The following KIF6 variants were observed in gnomAD, a reference collection of about 807,000 sequenced individuals.
KIF6 encodes kinesin-like protein KIF6.
Under a neutral mutation model 112.7 loss-of-function variants are expected in KIF6, and 106 were observed. The observed-to-expected ratio is 0.94, with a 90% CI of 0.80 to 1.11. The LOEUF is 1.11. Ranked by LOEUF, KIF6 falls within the 50% of genes least tolerant of loss-of-function variation. The probability of loss-of-function intolerance (pLI) is 0.00; values close to 1 mark genes in which losing one functional copy is unlikely to be tolerated. For synonymous variants in KIF6, 339 were observed against 339.9 expected (o/e 1.00, Z 0.03); for missense variants, 929 against 964.0 (o/e 0.96, Z 0.48).
intron 10 of KIF6, among the ~76,000 whole-genome samples, chr6:39,560,664 T>C (rs1016212550): frequency 2.0e-5 from 3 of 152,204 alleles, no homozygotes; most frequent in African/African-American, 7.2e-5. Context: ...TGACTTTATA[T>C]TATAGATATT....
chr6:39,690,463 C>G (rs976756207), intron 3 of KIF6: 2 of 152,006 alleles, frequency 1.3e-5, no homozygotes, highest in African/African-American at 4.8e-5. Flanking sequence ...ATTAACCAGG[C>G]AGTGCAAGAT....
intron 10 of KIF6, among the ~76,000 whole-genome samples, chr6:39,573,185 T>C (rs1780739474): frequency 6.6e-6 from 1 of 151,896 alleles, no homozygotes; most frequent in South Asian, 2.1e-4. Context: ...ACACATACTC[T>C]CTCAGTACCA....
At chr6:39,578,745 T>G (rs1781125768) in intron 9 of KIF6, among the ~76,000 whole-genome samples, 1 of 152,156 alleles carries the variant, frequency 6.6e-6, no homozygotes, top group Admixed American at 6.5e-5. Context: ...GGGGTCTGAT[T>G]TCTCTGTGTG....
chr6:39,533,293 G>A (rs1356145938), intron 13 of KIF6, among the ~76,000 whole-genome samples: 1 of 152,156 alleles, frequency 6.6e-6, no homozygotes, highest in South Asian at 2.1e-4. Flanking sequence ...CCGGAAAATC[G>A]GGTCACTCCC....
Position 39,343,321 on chromosome 6 carries a change from CT to C in KIF6, c.2428+387del. 1 of 1,295,750 alleles carries C rather than the reference CT, an allele frequency of 7.7e-7. No individual in the cohort carries two copies. Among genetic ancestry groups the C allele is most frequent in the Non-Finnish European group, 1.0e-6 (1 of 992,894 alleles). The allele number at this position is 1,295,750 out of a possible 1,614,324, so 80.3% of individuals were successfully genotyped here. On this transcript the variant is annotated intron_variant, in intron 22 of 22. Transcript: ENST00000287152. This position sits in a 1 kb window ranked among gnomAD's most constrained non-coding sequence, Gnocchi z 4.1. ...ACCACACTCTGATAGGGGAGTGAGA[CT>C]TTAAGCCAGGGGTTCAACGAGTTAC...
intron 13 of KIF6, among the ~76,000 whole-genome samples, chr6:39,509,081 A>T (rs1776614302): frequency 6.6e-6 from 1 of 152,196 alleles, no homozygotes; most frequent in Non-Finnish European, 1.5e-5. Context: ...GATGATACCC[A>T]GGCAAGCAGG....
rs1456313852 is a variant in KIF6 at position 39,360,383 on chromosome 6, C to T, written c.2082+12G>A. 1.2e-6 allele frequency: 2 copies of T among 1,613,914 alleles called. No homozygotes were observed. The highest frequency in any genetic ancestry group is 1.3e-5 in the African/African-American group (1 of 74,930). On this transcript the variant is annotated intron_variant, in intron 18 of 22. Transcript: ENST00000287152. Reference sequence around the variant, plus strand: ...CCCCTCCCCAGCTTCCCTGATGTTCCCCAGGCCATACCTGCAGGTTGGTGG... The same window carrying T: ...CCCCTCCCCAGCTTCCCTGATGTTCTCCAGGCCATACCTGCAGGTTGGTGG...
At chr6:39,423,659 C>T (rs1467458492) in intron 14 of KIF6, among the ~76,000 whole-genome samples, 2 of 152,026 alleles carry the variant, frequency 1.3e-5, no homozygotes, top group African/African-American at 4.8e-5. Context: ...TGAACACCTC[C>T]CCTGTTTTTC....
chr6:39,443,865 A>G (rs1273846580), intron 13 of KIF6, among the ~76,000 whole-genome samples: 1 of 152,222 alleles, frequency 6.6e-6, no homozygotes, highest in Non-Finnish European at 1.5e-5. Context: ...CTTGTAAGTA[A>G]GTAGATGCAA....
At chr6:39,466,995 C>A (rs1247534667) in intron 13 of KIF6, among the ~76,000 whole-genome samples, 1 of 152,182 alleles carries the variant, frequency 6.6e-6, no homozygotes, top group Non-Finnish European at 1.5e-5. Context: ...GACCACTGTC[C>A]CCACTGCCAG....
chr6:39,482,800 T>C (rs1581950916), intron 13 of KIF6, among the ~76,000 whole-genome samples: 2 of 152,204 alleles, frequency 1.3e-5, no homozygotes, highest in Admixed American at 6.5e-5. Context: ...GAGAGTACCA[T>C]AAGCCATTGC....
chr6:39,662,878 G>A (rs1786244924), intron 3 of KIF6, among the ~76,000 whole-genome samples: 1 of 150,480 alleles, frequency 6.6e-6, no homozygotes. Context: ...CTTCAGCTTA[G>A]TATCTTTTTT....
intron 15 of KIF6, 78 bp from the exon 16 acceptor site, chr6:39,385,750 GCT>G: frequency 5.7e-6 from 4 of 701,452 alleles, no homozygotes; most frequent in Admixed American, 5.7e-5. Flanking sequence ...CATGTGGCAA[GCT>G]ACAGAAAAAA....
intron 13 of KIF6, among the ~76,000 whole-genome samples, chr6:39,463,191 G>A (rs1253317992): frequency 2.6e-5 from 4 of 151,908 alleles, no homozygotes; most frequent in Non-Finnish European, 4.4e-5. Context: ...GTAATCTTAT[G>A]GTGTCCCTTC....
At chr6:39,568,828 G>A (rs1162576566) in intron 10 of KIF6, among the ~76,000 whole-genome samples, 1 of 152,156 alleles carries the variant, frequency 6.6e-6, no homozygotes, top group Admixed American at 6.5e-5. Context: ...TGGGATTATA[G>A]GCATGAGCCA....
At chr6:39,711,338 T>A (rs1789546348) in intron 3 of KIF6, among the ~76,000 whole-genome samples, 1 of 146,912 alleles carries the variant, frequency 6.8e-6, no homozygotes, top group African/African-American at 2.5e-5. Flanking sequence ...GGCATGGACA[T>A]CTTTTCAACA....
At chr6:39,573,731 G>A (rs1216557508) in intron 10 of KIF6, among the ~76,000 whole-genome samples, 3 of 152,110 alleles carry the variant, frequency 2.0e-5, no homozygotes, top group Non-Finnish European at 4.4e-5. Flanking sequence ...TGATTCCTGA[G>A]CCCAAAAGTA....
At chr6:39,712,684 G>A (rs917250573) in intron 3 of KIF6, among the ~76,000 whole-genome samples, 1 of 152,130 alleles carries the variant, frequency 6.6e-6, no homozygotes, top group Non-Finnish European at 1.5e-5. Context: ...CCAAGATGGT[G>A]AAACCCCATC....
chr6:39,370,854 C>A (rs557657830), intron 16 of KIF6, among the ~76,000 whole-genome samples: 8 of 152,016 alleles, frequency 5.3e-5, no homozygotes, highest in African/African-American at 1.9e-4. Flanking sequence ...CCAGAGTGCA[C>A]TACTGTCGAT....
Sources: gnomAD v4.1 joint callset for allele counts (sites outside exome capture counted in the v4.1 genomes callset) on GRCh38, gnomAD v4.1.1 for gene constraint, Gnocchi (gnomAD v3.1) non-coding constraint, MANE v1.5 for transcripts, NCBI Gene and HGNC (gene_info 2026-07-23, HGNC 2026-07-21) for gene names.